The following TMC3 variants were observed in gnomAD, a reference collection of about 807,000 sequenced individuals.
TMC3 encodes the protein transmembrane channel-like protein 3.
TMC3 carries 98 observed loss-of-function variants against 110.6 expected under a neutral mutation model. That is an observed-to-expected ratio of 0.89 (90% CI 0.75 to 1.05). TMC3 has a LOEUF of 1.05. TMC3 is among the 50% of genes least tolerant of loss of function. The pLI, the probability that TMC3 is intolerant of heterozygous loss-of-function variation, is 0.00. For synonymous variants in TMC3, 489 were observed against 513.1 expected (o/e 0.95, Z 0.63); for missense variants, 1,319 against 1,373.2 (o/e 0.96, Z 0.62).
rs202028492 is a variant in TMC3, at chr15:81,332,831, A to G, written c.2891T>C (p.Ile964Thr). Residue 964 changes from isoleucine to threonine, a missense_variant, in exon 22 of 22, where the codon ATA (isoleucine) becomes ACA (threonine). Transcript: ENST00000359440. ...AAAATGAGGAGCCCGACGGAGGTCT[A>G]TCAGGGAGCGTGGGGGAAGAGACCG... ...IKRSLPPRSL[I>T]DLRRAPHFYI... 54 of 1,613,166 alleles carry G rather than the reference A, an allele frequency of 3.3e-5. No individual in the cohort carries two copies. The highest frequency in any genetic ancestry group is 4.5e-5 in the Non-Finnish European group (53 of 1,179,738).
chr15:81,370,417 G>A (rs1476559702), intron 2 of TMC3, among the ~76,000 whole-genome samples: 3 of 152,136 alleles, frequency 2.0e-5, no homozygotes, highest in African/African-American at 7.2e-5. Context: ...TGCTCAGAGG[G>A]CCAGCTGCAC....
intron 1 of TMC3, 131 bp from the exon 2 acceptor site, chr15:81,372,868 TGC>T (rs1191421136): frequency 3.7e-5 from 30 of 810,534 alleles, no homozygotes; most frequent in Middle Eastern, 3.4e-4. Flanking sequence ...TATGTGTTTG[TGC>T]GTGTGTGTGT....
At chr15:81,335,085 C>T (rs1596077959) in intron 20 of TMC3, 110 bp from the exon 21 acceptor site, 1 of 1,185,300 alleles carries the variant, frequency 8.4e-7, no homozygotes, top group East Asian at 2.5e-5. Context: ...GGTCCGCAAA[C>T]AATTGAGTGC....
intron 4 of TMC3, among the ~76,000 whole-genome samples, chr15:81,360,728 G>A (rs1170351019): frequency 2.0e-5 from 3 of 152,152 alleles, no homozygotes; most frequent in East Asian, 1.9e-4. Flanking sequence ...CCCACTTGGA[G>A]CAAGGGATCA....
At chr15:81,362,327 G>T in intron 3 of TMC3, 26 bp from the exon 4 acceptor site, 1 of 1,591,968 alleles carries the variant, frequency 6.3e-7, no homozygotes, top group Non-Finnish European at 8.6e-7. Flanking sequence ...CAGGATTAGA[G>T]AGGTCACGTA....
chr15:81,364,732 T>TTAA (rs753808571), intron 3 of TMC3, among the ~76,000 whole-genome samples: 104 of 144,874 alleles, frequency 7.2e-4, no homozygotes, highest in Non-Finnish European at 1.3e-3. Context: ...AAAACTGTAA[T>TTAA]AAAAAAAAAA....
chr15:81,345,587 A>G (rs976839031), intron 12 of TMC3, among the ~76,000 whole-genome samples: 2 of 152,130 alleles, frequency 1.3e-5, no homozygotes, highest in African/African-American at 2.4e-5. Flanking sequence ...AGTGGACATC[A>G]GGCTGGGCGT....
At position 81,339,384 on chromosome 15, in the gene TMC3, C is replaced by T. The variant is rs146083584; in HGVS notation, c.1955+10G>A. 135 of 1,599,102 alleles carry T rather than the reference C, an allele frequency of 8.4e-5. 1 individual carries two copies. In the East Asian group the frequency reaches 2.2e-3, roughly 26 times the overall value. ...CAGTCACTCCGGGCAGAGCTGGGAA[C>T]GAAACTTACCTGAATGGCCCACAGT... is the stretch of plus-strand genomic sequence containing the variant. On this transcript the variant is annotated intron_variant, in intron 17 of 21. Transcript: ENST00000359440.
chr15:81,355,768 C>T lies in TMC3; in HGVS notation c.892G>A (p.Glu298Lys), dbSNP rs376913357. The stretch of plus-strand genomic sequence containing the variant: ...TTCTCCTGTTCTTCCAATATAGCTT[C>T]CTTTAAGAAAAATACATACAGCAAT... ...KTAAIVNSIR[E>K]AILEEQEKKK... is the part of the protein sequence containing the mutation. Residue 298 changes from glutamate (E) to lysine (K), a missense_variant and splice_region_variant, in exon 9 of 22, where the codon GAA becomes AAA. By Grantham distance (56) the Glu-to-Lys change is moderately conservative. Coordinates refer to ENST00000359440, the MANE Select transcript of TMC3 (RefSeq NM_001080532.3). 5 of 1,580,574 alleles carry T rather than the reference C, an allele frequency of 3.2e-6. No individual in the cohort carries two copies. Among genetic ancestry groups the T allele is most frequent in the Non-Finnish European group, 4.3e-6 (5 of 1,154,232 alleles).
chr15:81,356,877 G>A (rs1380930138), intron 7 of TMC3, among the ~76,000 whole-genome samples: 1 of 152,228 alleles, frequency 6.6e-6, no homozygotes, highest in African/African-American at 2.4e-5. Context: ...CACTGCAGGT[G>A]TGTGTGCCCC....
chr15:81,334,580 T>G, intron 21 of TMC3, 140 bp downstream of exon 21: 1 of 1,189,634 alleles, frequency 8.4e-7, no homozygotes, highest in South Asian at 1.8e-5. Context: ...CTCCATTTCT[T>G]TTTAGTACCA....
chr15:81,334,721 T>G lies in TMC3; in HGVS notation c.2458A>C (p.Arg820=), dbSNP rs1893551345. 6.2e-7 allele frequency: 1 copy of G among 1,613,160 alleles called. No homozygotes were observed. Among genetic ancestry groups the G allele is most frequent in the Admixed American group, 1.7e-5 (1 of 60,006 alleles). Residue 820 remains arginine, a splice_region_variant and synonymous_variant, in exon 21 of 22, where the codon AGG becomes CGG. Transcript: ENST00000359440. ...PKSRLEHETN[R]YLHGLCASTS... ...ATCTGTGCTGCAGTGGAGCCTCACC[T>G]GTTAGTTTCATGCTCTAGCCTGGAT...
At chr15:81,360,543 G>GA (rs1434981302) in intron 4 of TMC3, among the ~76,000 whole-genome samples, 3 of 152,182 alleles carry the variant, frequency 2.0e-5, no homozygotes, top group African/African-American at 7.2e-5. Flanking sequence ...AGCAGAGCTT[G>GA]AGAAAGGGAT....
chr15:81,356,244 A>G (rs1464717658), intron 8 of TMC3, among the ~76,000 whole-genome samples: 2 of 152,232 alleles, frequency 1.3e-5, no homozygotes, highest in Non-Finnish European at 2.9e-5. Flanking sequence ...TTAAAAAGAA[A>G]GGAGTTTCAA....
At chr15:81,348,873 G>A (rs1355820242) in intron 11 of TMC3, among the ~76,000 whole-genome samples, 2 of 152,186 alleles carry the variant, frequency 1.3e-5, no homozygotes, top group Non-Finnish European at 2.9e-5. Context: ...GTGCAGTGGT[G>A]TGATCTTGGC....
At chr15:81,372,479 G>T in intron 2 of TMC3, 112 bp downstream of exon 2, 1 of 1,375,296 alleles carries the variant, frequency 7.3e-7, no homozygotes, top group South Asian at 1.2e-5. Context: ...GGTCAAGAGT[G>T]ACTGAGCCAT....
At chr15:81,356,189 CTAAAA>C (rs1259806921) in intron 8 of TMC3, among the ~76,000 whole-genome samples, 1 of 152,078 alleles carries the variant, frequency 6.6e-6, no homozygotes, top group Non-Finnish European at 1.5e-5. Context: ...TGTAAATTAT[CTAAAA>C]TATACAAACT....
chr15:81,355,923 TC>T (rs1894050543), intron 8 of TMC3, among the ~76,000 whole-genome samples, 155 bp from the exon 9 acceptor site: 1 of 150,720 alleles, frequency 6.6e-6, no homozygotes, highest in South Asian at 2.1e-4. Context: ...ATATCAATAA[TC>T]TAATCAATTG....
At chr15:81,342,265 TTAG>T (rs1179741144) in intron 15 of TMC3, among the ~76,000 whole-genome samples, 1 of 152,210 alleles carries the variant, frequency 6.6e-6, no homozygotes, top group African/African-American at 2.4e-5. Flanking sequence ...GAATTTGGAT[TTAG>T]TGGTATGAAA....
Sources: allele counts gnomAD v4.1 joint callset (sites outside exome capture counted in the v4.1 genomes callset), GRCh38; gene constraint gnomAD v4.1.1; transcripts MANE v1.5; gene names NCBI Gene and HGNC (gene_info 2026-07-23, HGNC 2026-07-21).